Variants in AXIN1 observed in about 807,000 individuals in gnomAD.
AXIN1 encodes the protein axin 1.
In AXIN1, 30 loss-of-function variants were observed where a neutral mutation model predicts 76.4. The observed-to-expected ratio is 0.39, with a 90% confidence interval of 0.29 to 0.53. The LOEUF (loss-of-function observed/expected upper bound fraction) is 0.53. Ranked by LOEUF, AXIN1 falls within the 20% of genes least tolerant of loss-of-function variation. AXIN1 has a pLI of 0.66. For synonymous variants in AXIN1, 545 were observed against 501.4 expected (o/e 1.09, Z -1.16); for missense variants, 1,140 against 1,198.8 (o/e 0.95, Z 0.72).
intron 4 of AXIN1, among the ~76,000 whole-genome samples, chr16:309,007 C>G (rs762571674): frequency 1.6e-4 from 24 of 152,166 alleles, no homozygotes; most frequent in Non-Finnish European, 3.1e-4. Flanking sequence ...CACAGACACT[C>G]AGATGGTCAC....
chr16:327,330 A>C lies in AXIN1; in HGVS notation c.879-12647T>G, dbSNP rs116197309. Among the ~76,000 whole-genome samples, 880 of 152,240 alleles carry C rather than the reference A, an allele frequency of 5.8e-3. 7 individuals carry two copies. Among genetic ancestry groups the C allele is most frequent in the African/African-American group, 0.02 (812 of 41,534 alleles). On this transcript the variant is annotated intron_variant, in intron 2 of 10. Transcript: ENST00000262320. ...TCACCCCTTCTGCTCACACTGAATG[A>C]GCAGGTGATTTCTCGGTCACTCAGG...
At chr16:311,114 G>GCT (rs58810411) in intron 3 of AXIN1, among the ~76,000 whole-genome samples, 152,015 of 152,020 alleles carry the variant, frequency 1, 76,005 homozygotes, top group Middle Eastern at 1. Flanking sequence ...ATCACTGCAA[G>GCT]CCGCTCCCGG....
At chr16:342,974 C>A (rs1009254521) in intron 2 of AXIN1, among the ~76,000 whole-genome samples, 1 of 152,240 alleles carries the variant, frequency 6.6e-6, no homozygotes, top group Non-Finnish European at 1.5e-5. Context: ...AGAGAATGGT[C>A]TAAATGTGAG....
At chr16:326,956 C>T (rs529017445) in intron 2 of AXIN1, among the ~76,000 whole-genome samples, 4 of 150,576 alleles carry the variant, frequency 2.7e-5, no homozygotes, top group East Asian at 4.0e-4. Context: ...CTGGCTAACA[C>T]GGTGAAACCC....
chr16:350,153 A>T (rs934116173), intron 1 of AXIN1, among the ~76,000 whole-genome samples: 45 of 152,160 alleles, frequency 3.0e-4, no homozygotes, highest in Admixed American at 1.3e-4. Flanking sequence ...TCTTACAATC[A>T]TGTGTATTTT....
chr16:330,084 A>T (rs539349354), intron 2 of AXIN1, among the ~76,000 whole-genome samples: 3 of 132,236 alleles, frequency 2.3e-5, no homozygotes, highest in Non-Finnish European at 4.8e-5. Flanking sequence ...TTTTTGAGAG[A>T]GGGTCTCTCT....
intron 5 of AXIN1, among the ~76,000 whole-genome samples, chr16:301,585 G>A (rs1346727911): frequency 6.6e-6 from 1 of 152,190 alleles, no homozygotes; most frequent in Non-Finnish European, 1.5e-5. Context: ...GAGGCCAGGA[G>A]TTCAAGACCA....
At chr16:340,886 A>G (rs61275484) in intron 2 of AXIN1, among the ~76,000 whole-genome samples, 12,899 of 152,316 alleles carry the variant, frequency 0.085, 1,512 homozygotes, top group African/African-American at 0.26. Context: ...CGCGGCTCAC[A>G]CACGGACCAA....
At chr16:300,684 G>C (rs995162258) in intron 5 of AXIN1, among the ~76,000 whole-genome samples, 1 of 152,184 alleles carries the variant, frequency 6.6e-6, no homozygotes, top group Admixed American at 6.5e-5. Context: ...TGCTGGAGCA[G>C]AGCCGGGGGA....
In AXIN1 at chr16:327,997, C is replaced by T. The variant is rs570630340; in HGVS notation, c.879-13314G>A. ...GGGACAGTGGCTCAAGCCTGTAATCCGAGCACTGTAGGAGGCTGAGGCAGA... is the reference window on the plus strand; with the variant it reads ...GGGACAGTGGCTCAAGCCTGTAATCTGAGCACTGTAGGAGGCTGAGGCAGA... On this transcript the variant is annotated intron_variant, in intron 2 of 10. Coordinates refer to ENST00000262320, the MANE Select transcript of AXIN1 (RefSeq NM_003502.4). Among the ~76,000 whole-genome samples, 32 of 152,332 alleles carry T rather than the reference C, an allele frequency of 2.1e-4. 1 individual carries two copies. Among genetic ancestry groups the T allele is most frequent in the African/African-American group, 4.1e-4 (17 of 41,588 alleles).
chr16:349,912 C>T (rs935747636), intron 1 of AXIN1, among the ~76,000 whole-genome samples: 1 of 152,222 alleles, frequency 6.6e-6, no homozygotes, highest in African/African-American at 2.4e-5. Context: ...AATTCTCCAG[C>T]CTCAGCCTCT....
chr16:291,310 CCG>C lies in AXIN1; in HGVS notation c.2187-15_2187-14del, dbSNP rs1567258786. ...CTCCTGCACATACCTAGGGAACAAC[CCG>C]CGTCAAAGGTGGCTGTGCCGGCGGC... On this transcript the variant is annotated splice_polypyrimidine_tract_variant and intron_variant, in intron 8 of 10. Coordinates refer to ENST00000262320, the MANE Select transcript of AXIN1 (RefSeq NM_003502.4). 1 of 1,563,094 alleles carries C rather than the reference CCG, an allele frequency of 6.4e-7. No homozygotes were observed. Among genetic ancestry groups the C allele is most frequent in the East Asian group, 2.3e-5 (1 of 42,618 alleles).
intron 2 of AXIN1, among the ~76,000 whole-genome samples, chr16:345,636 C>T (rs1298288545): frequency 6.6e-6 from 1 of 152,088 alleles, no homozygotes; most frequent in East Asian, 1.9e-4. Context: ...ATCGCTCAAA[C>T]CCGGGAGGCG....
intron 4 of AXIN1, among the ~76,000 whole-genome samples, chr16:305,612 C>A (rs528533551): frequency 8.7e-4 from 132 of 152,202 alleles, no homozygotes; most frequent in African/African-American, 3.1e-3. Flanking sequence ...GGCGCGATTT[C>A]GGCTCACTGC....
intron 7 of AXIN1, among the ~76,000 whole-genome samples, chr16:296,262 G>A (rs1245043799): frequency 1.3e-5 from 2 of 152,270 alleles, no homozygotes; most frequent in Non-Finnish European, 2.9e-5. Flanking sequence ...GCGCTCAGCT[G>A]CCTCACAAGT....
chr16:342,988 C>T (rs777691180), intron 2 of AXIN1, among the ~76,000 whole-genome samples: 3 of 152,228 alleles, frequency 2.0e-5, no homozygotes, highest in Admixed American at 6.5e-5. Flanking sequence ...ATGTGAGGAA[C>T]GCAGCCTGGA....
intron 2 of AXIN1, among the ~76,000 whole-genome samples, chr16:339,510 CAA>C (rs35043577): frequency 2.1e-3 from 144 of 67,534 alleles, no homozygotes; most frequent in African/African-American, 5.8e-3. Flanking sequence ...GACTCCATCT[CAA>C]AAAAAAAAAA....
In AXIN1 at chr16:309,955, C is replaced by A. The variant is rs116234849; in HGVS notation, c.1116+18G>T. 3 of 1,612,122 alleles carry A rather than the reference C, an allele frequency of 1.9e-6. No individual in the cohort carries two copies. The highest frequency in any genetic ancestry group is 2.5e-6 in the Non-Finnish European group (3 of 1,179,194). ...GCGGGGAGGACGATGGGCTGAGGAC[C>A]GCAAAGCCGGTACTTACGGGAATGT... On this transcript the variant is annotated intron_variant, in intron 4 of 10. Coordinates refer to ENST00000262320, the MANE Select transcript of AXIN1 (RefSeq NM_003502.4).
chr16:337,260 T>C (rs2053826182), intron 2 of AXIN1, among the ~76,000 whole-genome samples: 1 of 150,906 alleles, frequency 6.6e-6, no homozygotes, highest in Admixed American at 6.6e-5. Context: ...CTTTTAATAA[T>C]ATACTTTCTA....
Sources: gnomAD v4.1 joint callset for allele counts (sites outside exome capture counted in the v4.1 genomes callset) on GRCh38, gnomAD v4.1.1 for gene constraint, MANE v1.5 for transcripts, NCBI Gene and HGNC (gene_info 2026-07-23, HGNC 2026-07-21) for gene names.